Variants in TLE3 observed in about 807,000 individuals in gnomAD.
TLE3 encodes transducin-like enhancer protein 3.
Under a neutral mutation model 93.0 loss-of-function variants are expected in TLE3, and 14 were observed. That is an observed-to-expected ratio of 0.15 (90% CI 0.10 to 0.24). The LOEUF (loss-of-function observed/expected upper bound fraction) is 0.24, where lower values mean the gene tolerates loss of function less well. TLE3 is among the 10% of genes least tolerant of loss of function. The pLI is 1.00. For synonymous variants in TLE3, 451 were observed against 425.0 expected (o/e 1.06, Z -0.75); for missense variants, 693 against 1,046.6 (o/e 0.66, Z 4.66).
rs148805988 is a variant in TLE3, at chr15:70,049,613, C to T, written c.*484G>A. 1.3e-5 allele frequency: 2 copies of T among 152,730 alleles called. No individual in the cohort carries two copies. The highest frequency in any genetic ancestry group is 3.9e-4 in the East Asian group (2 of 5,188). The allele number at this position is 152,730 out of a possible 1,614,324, so 9.5% of individuals were successfully genotyped here. Reference sequence around the variant, plus strand: ...TTCCGGTGGGAAGGGGCCTCCTCTCCCACTGATCAGTCCGCAATAGGAGTC... The same window carrying T: ...TTCCGGTGGGAAGGGGCCTCCTCTCTCACTGATCAGTCCGCAATAGGAGTC... On this transcript the variant is annotated 3_prime_UTR_variant, in exon 20 of 20. Coordinates refer to ENST00000451782, the MANE Select transcript of TLE3 (RefSeq NM_001105192.3).
chr15:70,061,218 G>A (rs780084631), intron 8 of TLE3, among the ~76,000 whole-genome samples: 3 of 152,074 alleles, frequency 2.0e-5, no homozygotes, highest in Admixed American at 6.5e-5. Context: ...CCGCCTCCAC[G>A]GTGAGGCTGT....
intron 8 of TLE3, 25 bp downstream of exon 8, chr15:70,064,429 C>T (rs370107342): frequency 6.2e-6 from 10 of 1,613,456 alleles, no homozygotes; most frequent in East Asian, 4.5e-5. Flanking sequence ...AACACCCCTC[C>T]GGGTTCCAGA....
intron 5 of TLE3, among the ~76,000 whole-genome samples, 156 bp downstream of exon 5, chr15:70,075,940 G>A (rs376047226): frequency 1.3e-5 from 2 of 152,218 alleles, no homozygotes; most frequent in African/African-American, 2.4e-5. Flanking sequence ...ACTGGCCGGA[G>A]AAGGCTCTGG....
At chr15:70,073,973 A>G (rs929738164) in intron 6 of TLE3, among the ~76,000 whole-genome samples, 4 of 152,314 alleles carry the variant, frequency 2.6e-5, no homozygotes, top group Admixed American at 1.3e-4. Flanking sequence ...AGTCAGGAAA[A>G]CCAGTCTCAG....
At chr15:70,068,476 C>A (rs1308463134) in intron 6 of TLE3, among the ~76,000 whole-genome samples, 1 of 152,130 alleles carries the variant, frequency 6.6e-6, no homozygotes, top group Non-Finnish European at 1.5e-5. Flanking sequence ...TGTTGGTAGG[C>A]CCGTTAATTC....
intron 4 of TLE3, among the ~76,000 whole-genome samples, chr15:70,084,824 CTA>C (rs1332883884): frequency 1.3e-5 from 2 of 152,228 alleles, no homozygotes; most frequent in Non-Finnish European, 2.9e-5. Flanking sequence ...ATCTTGTCCT[CTA>C]TGTCTGAGGC....
chr15:70,072,472 T>C (rs2057235058), intron 6 of TLE3, among the ~76,000 whole-genome samples: 1 of 151,926 alleles, frequency 6.6e-6, no homozygotes, highest in Non-Finnish European at 1.5e-5. Context: ...ATTCACAAGG[T>C]ATGTCCCAAC....
chr15:70,074,818 A>G (rs867307520), intron 5 of TLE3, among the ~76,000 whole-genome samples: 2 of 152,254 alleles, frequency 1.3e-5, no homozygotes, highest in African/African-American at 4.8e-5. Context: ...TAGTTTTGTA[A>G]TTGAAACTTC....
rs776599776 is a variant in TLE3 at position 70,066,009 on chromosome 15, C to T, written c.577+5G>A. The T allele has an allele frequency of 8.1e-6, 13 of 1,612,408 alleles. No homozygotes were observed. The highest frequency in any genetic ancestry group is 5.5e-5 in the South Asian group (5 of 90,990). ...GCCCCACCCTCTGCCCCAGCCCAGC[C>T]GCACCTCTGTGATCGAGTTCATGGT... On this transcript the variant is annotated splice_donor_5th_base_variant and intron_variant, in intron 7 of 19. Coordinates refer to ENST00000451782, the MANE Select transcript of TLE3 (RefSeq NM_001105192.3).
chr15:70,080,322 G>C (rs1306621432), intron 4 of TLE3, among the ~76,000 whole-genome samples: 3 of 152,212 alleles, frequency 2.0e-5, no homozygotes, highest in Non-Finnish European at 4.4e-5. Context: ...CCTTTGGAAA[G>C]CACTTTGGAA....
Position 70,096,926 on chromosome 15 carries a change from C to G in TLE3, c.-128G>C, listed in dbSNP as rs1477169259. 1 of 1,057,646 alleles carries G rather than the reference C, an allele frequency of 9.5e-7. No individual in the cohort carries two copies. The highest frequency in any genetic ancestry group is 2.1e-5 in the Admixed American group (1 of 46,738). The allele number at this position is 1,057,646 out of a possible 1,614,324, so 65.5% of individuals were successfully genotyped here. A position where few individuals can be genotyped will look rare whatever the true frequency, so the allele number is the denominator to read the frequency against. ...AAACCGAGAGCTCGCCCCCGGCCCC[C>G]CCAGCTCGTTCTCGCAGCGAAATCC... is the stretch of plus-strand genomic sequence containing the variant. On this transcript the variant is annotated 5_prime_UTR_variant, in exon 1 of 20. Transcript: ENST00000451782.
chr15:70,058,759 G>A lies in TLE3; in HGVS notation c.822C>T (p.Asp274=). The change falls in exon 11 of 20, where the codon GAC becomes GAT. Residue 274 remains aspartate (D), a synonymous_variant. Coordinates refer to ENST00000451782, the MANE Select transcript of TLE3 (RefSeq NM_001105192.3). This position sits in a 1 kb window ranked among gnomAD's most constrained non-coding sequence, Gnocchi z 4.1. ...PAHSPPENGL[D]KARSLKKDAP... ...CATCTTTTTTCAGGCTACGGGCCTTGTCCAGCCCATTTTCAGGAGGGGAGT... is the reference window on the plus strand; with the variant it reads ...CATCTTTTTTCAGGCTACGGGCCTTATCCAGCCCATTTTCAGGAGGGGAGT... The A allele has an allele frequency of 6.2e-7, 1 of 1,610,098 alleles. No individual in the cohort carries two copies.
In TLE3 at chr15:70,097,447, TGCCGCTGCC is replaced by T; in HGVS notation, c.-658_-650del. 2.4e-6 allele frequency: 1 copy of T among 417,356 alleles called. No individual in the cohort carries two copies. The allele number at this position is 417,356 out of a possible 1,614,324, so 25.9% of individuals were successfully genotyped here. ...GAGAGCCTGCTGTTCCGTCTGCTAC[TGCCGCTGCC>T]GCCGCCGCCGCCGCCGCTGCAAGCC... On this transcript the variant is annotated 5_prime_UTR_variant, in exon 1 of 20. Coordinates refer to ENST00000451782, the MANE Select transcript of TLE3 (RefSeq NM_001105192.3).
intron 10 of TLE3, among the ~76,000 whole-genome samples, 189 bp from the exon 11 acceptor site, chr15:70,059,004 A>G (rs2056287488): frequency 6.6e-6 from 1 of 152,180 alleles, no homozygotes; most frequent in Non-Finnish European, 1.5e-5. Flanking sequence ...GGGAGGGTGG[A>G]AGGATGGTCT....
At chr15:70,094,455 CAA>C (rs2058453822) in intron 4 of TLE3, 75 bp downstream of exon 4, 1 of 1,157,196 alleles carries the variant, frequency 8.6e-7, no homozygotes, top group Non-Finnish European at 1.2e-6. Flanking sequence ...CACTTTCAAA[CAA>C]GAGAGAACAT....
In TLE3 at chr15:70,057,672, G is replaced by A; in HGVS notation, c.1052-14C>T. The A allele has an allele frequency of 1.3e-6, 2 of 1,555,828 alleles. No homozygotes were observed. Among genetic ancestry groups the A allele is most frequent in the Non-Finnish European group, 1.7e-6 (2 of 1,157,248 alleles). Reference sequence around the variant, plus strand: ...GCAGAGCCGAGGCTGCGAGGGGTGGGCGTCAGGGAGGTGGGCCTTAGGTGG... The same window carrying A: ...GCAGAGCCGAGGCTGCGAGGGGTGGACGTCAGGGAGGTGGGCCTTAGGTGG... On this transcript the variant is annotated splice_polypyrimidine_tract_variant and intron_variant, in intron 12 of 19. Coordinates refer to ENST00000451782, the MANE Select transcript of TLE3 (RefSeq NM_001105192.3).
At chr15:70,066,943 TA>T in intron 6 of TLE3, 1 of 373,010 alleles carries the variant, frequency 2.7e-6, no homozygotes. Context: ...TCCTTATCTG[TA>T]AAGGGGGAAA....
chr15:70,054,361 C>A, intron 16 of TLE3, 77 bp downstream of exon 16: 1 of 1,550,816 alleles, frequency 6.4e-7, no homozygotes, highest in South Asian at 1.2e-5. Flanking sequence ...GGGCCAAGGT[C>A]ACAGCAAACA....
At chr15:70,091,587 A>G (rs1386542368) in intron 4 of TLE3, among the ~76,000 whole-genome samples, 1 of 152,190 alleles carries the variant, frequency 6.6e-6, no homozygotes, top group Non-Finnish European at 1.5e-5. Context: ...TTGCTTTACC[A>G]TAATTAGGGA....
Sources: gnomAD v4.1 joint callset for allele counts (sites outside exome capture counted in the v4.1 genomes callset) on GRCh38, gnomAD v4.1.1 for gene constraint, Gnocchi (gnomAD v3.1) non-coding constraint, MANE v1.5 for transcripts, NCBI Gene and HGNC (gene_info 2026-07-23, HGNC 2026-07-21) for gene names.